Variants in FEM1C observed in about 807,000 individuals in gnomAD.
FEM1C encodes fem-1 homolog C.
A neutral mutation model predicts 37.6 loss-of-function variants in FEM1C; 15 were observed. The observed-to-expected ratio is 0.40, with a 90% CI of 0.27 to 0.61. The LOEUF (loss-of-function observed/expected upper bound fraction) is 0.61, where lower values mean the gene tolerates loss of function less well. Among genes scored for constraint, FEM1C ranks in the 20% least tolerant of loss-of-function variants. The probability of loss-of-function intolerance (pLI) is 0.42; values close to 1 mark genes in which losing one functional copy is unlikely to be tolerated. For missense variants in FEM1C, 532 were observed against 749.7 expected (o/e 0.71, Z 3.39); for synonymous variants, 287 against 272.8 (o/e 1.05, Z -0.51).
chr5:115,528,758 G>A (rs1211022154), intron 2 of FEM1C, among the ~76,000 whole-genome samples: 1 of 152,082 alleles, frequency 6.6e-6, no homozygotes, highest in Non-Finnish European at 1.5e-5. Flanking sequence ...GAAATAAAGA[G>A]CTGACAGAAA....
chr5:115,533,925 T>C (rs1008877588), intron 2 of FEM1C, among the ~76,000 whole-genome samples: 23 of 151,994 alleles, frequency 1.5e-4, no homozygotes, highest in African/African-American at 4.1e-4. Context: ...AAAAAAAATA[T>C]TCTGGCACTG....
Position 115,523,363 on chromosome 5 carries a change from C to T in FEM1C, c.*945G>A, listed in dbSNP as rs563571405. ...GATGAACTTTGAAGTTAAATTTAAGCAAATTCTCTACACCTAATCACACCA... is the reference window on the plus strand; with the variant it reads ...GATGAACTTTGAAGTTAAATTTAAGTAAATTCTCTACACCTAATCACACCA... On this transcript the variant is annotated 3_prime_UTR_variant, in exon 3 of 3. Coordinates refer to ENST00000274457, the MANE Select transcript of FEM1C (RefSeq NM_020177.3). 1 of 152,526 alleles carries T rather than the reference C, an allele frequency of 6.6e-6. No homozygotes were observed. The highest frequency in any genetic ancestry group is 1.9e-4 in the East Asian group (1 of 5,170). 9.4% of individuals were successfully genotyped at this position (152,526 alleles called of 1,614,324 possible).
intron 2 of FEM1C, among the ~76,000 whole-genome samples, chr5:115,539,907 C>T (rs1223536006): frequency 6.6e-6 from 1 of 152,034 alleles, no homozygotes; most frequent in Admixed American, 6.5e-5. Context: ...GGTTAAATAA[C>T]ATGTTCAAAT....
chr5:115,525,936 C>T (rs1332021772), intron 2 of FEM1C, among the ~76,000 whole-genome samples: 2 of 152,008 alleles, frequency 1.3e-5, no homozygotes, highest in South Asian at 2.1e-4. Flanking sequence ...ATCTAAAAAT[C>T]GGTAGAATAC....
At chr5:115,535,022 TA>T (rs1754095141) in intron 2 of FEM1C, among the ~76,000 whole-genome samples, 4 of 151,870 alleles carry the variant, frequency 2.6e-5, no homozygotes, top group African/African-American at 9.7e-5. Context: ...CATATAGAAA[TA>T]AAATTGTATC....
At position 115,520,962 on chromosome 5, in the gene FEM1C, T is replaced by A. The variant is rs911831498; in HGVS notation, c.*3346A>T. The A allele has an allele frequency of 6.6e-6, 1 of 152,004 alleles. No homozygotes were observed. Among genetic ancestry groups the A allele is most frequent in the Admixed American group, 6.6e-5 (1 of 15,188 alleles). 9.4% of individuals were successfully genotyped at this position (152,004 alleles called of 1,614,324 possible). A position where few individuals can be genotyped will look rare whatever the true frequency, so the allele number is the denominator to read the frequency against. Reference sequence around the variant, plus strand: ...TACAATGAATGTTGTGGCATATGATTTTCCATTGTGTGACAATTTATTAGC... The same window carrying A: ...TACAATGAATGTTGTGGCATATGATATTCCATTGTGTGACAATTTATTAGC... On this transcript the variant is annotated 3_prime_UTR_variant, in exon 3 of 3. Transcript: ENST00000274457.
At chr5:115,542,804 C>T in intron 2 of FEM1C, 146 bp downstream of exon 2, 2 of 879,216 alleles carry the variant, frequency 2.3e-6, no homozygotes, top group Non-Finnish European at 3.5e-6. Context: ...ATCATAGAAA[C>T]ACTCAACAAA....
intron 2 of FEM1C, among the ~76,000 whole-genome samples, chr5:115,534,885 G>A (rs931597917): frequency 1.3e-5 from 2 of 151,884 alleles, no homozygotes; most frequent in African/African-American, 2.4e-5. Context: ...CAAGAAAATA[G>A]AGAAGGATTC....
chr5:115,536,748 C>T (rs1754137151), intron 2 of FEM1C, among the ~76,000 whole-genome samples: 1 of 151,900 alleles, frequency 6.6e-6, no homozygotes, highest in Admixed American at 6.6e-5. Context: ...ATGTGCCCTC[C>T]CTTCATTAAT....
intron 2 of FEM1C, among the ~76,000 whole-genome samples, chr5:115,528,861 A>C (rs373605080): frequency 3.9e-5 from 6 of 152,250 alleles, no homozygotes; most frequent in African/African-American, 1.4e-4. Context: ...TTTAAAATTG[A>C]GAATTCAACA....
chr5:115,524,832 T>C lies in FEM1C; in HGVS notation c.1330A>G (p.Ile444Val). ...DPLQLNKALS[I>V]ILHLICLLEK... The stretch of plus-strand genomic sequence containing the variant: ...AACAAGCAAATTAAGTGCAAAATAA[T>C]AGAAAGGGCCTTATTTAACTGTAAT... The change falls in exon 3 of 3, where the codon ATT (isoleucine) becomes GTT (valine). Residue 444 changes from isoleucine (I) to valine (V), a missense_variant. By Grantham distance (29) the Ile-to-Val change is conservative. Coordinates refer to ENST00000274457, the MANE Select transcript of FEM1C (RefSeq NM_020177.3). The C allele has an allele frequency of 6.2e-7, 1 of 1,608,998 alleles. No homozygotes were observed. The highest frequency in any genetic ancestry group is 8.5e-7 in the Non-Finnish European group (1 of 1,178,120).
chr5:115,536,610 A>G (rs557830520), intron 2 of FEM1C, among the ~76,000 whole-genome samples: 1 of 152,080 alleles, frequency 6.6e-6, no homozygotes, highest in East Asian at 1.9e-4. Flanking sequence ...GAGCACTAGA[A>G]GAAGGATTCT....
rs1390763936 is a variant in FEM1C at position 115,543,375 on chromosome 5, T to C, written c.119A>G (p.Asn40Ser). The part of the protein sequence containing the change: ...EVSSLISEKT[N>S]GATPLLMAAR... ...GGCCATCAAGAGTGGCGTGGCCCCATTTGTTTTTTCAGAGATCAAGGAGGA... is the reference window on the plus strand; with the variant it reads ...GGCCATCAAGAGTGGCGTGGCCCCACTTGTTTTTTCAGAGATCAAGGAGGA... The change falls in exon 2 of 3, where the codon AAT (asparagine) becomes AGT (serine). Residue 40 changes from asparagine to serine, a missense_variant. Physicochemically the swap from Asn to Ser is conservative, Grantham distance 46. Transcript: ENST00000274457. 1 of 1,614,182 alleles carries C rather than the reference T, an allele frequency of 6.2e-7. No homozygotes were observed. The highest frequency in any genetic ancestry group is 1.7e-5 in the Admixed American group (1 of 60,018).
chr5:115,541,633 C>T (rs1754243310), intron 2 of FEM1C, among the ~76,000 whole-genome samples: 1 of 152,056 alleles, frequency 6.6e-6, no homozygotes, highest in Non-Finnish European at 1.5e-5. Context: ...TTTATATTAG[C>T]AAAGTACTGG....
Position 115,521,078 on chromosome 5 carries a change from C to T in FEM1C, c.*3230G>A, listed in dbSNP as rs1386415747. ...CTAGTTGTTTAGTGACACATAAGGG[C>T]AAAAAAAAAAAAAAGAAAAAGAAAA... On this transcript the variant is annotated 3_prime_UTR_variant, in exon 3 of 3. Transcript: ENST00000274457. The T allele has an allele frequency of 1.2e-5, 1 of 80,954 alleles. No homozygotes were observed. The highest frequency in any genetic ancestry group is 2.8e-5 in the Non-Finnish European group (1 of 35,918). The allele number at this position is 80,954 out of a possible 1,614,324, so 5.0% of individuals were successfully genotyped here.
chr5:115,537,548 A>T (rs1435470375), intron 2 of FEM1C, among the ~76,000 whole-genome samples: 1 of 152,038 alleles, frequency 6.6e-6, no homozygotes, highest in African/African-American at 2.4e-5. Flanking sequence ...TCCAACTAAG[A>T]TACTAATTCT....
intron 1 of FEM1C, chr5:115,543,985 G>A (rs1436381921): frequency 1.0e-6 from 1 of 985,384 alleles, no homozygotes; most frequent in African/African-American, 1.7e-5. Context: ...GTTTTGCTTT[G>A]CACACGCCCA....
intron 2 of FEM1C, among the ~76,000 whole-genome samples, chr5:115,532,845 T>C (rs1754044965): frequency 6.6e-6 from 1 of 152,026 alleles, no homozygotes; most frequent in Non-Finnish European, 1.5e-5. Context: ...ATTTTTACTA[T>C]TAAAATTAAT....
At chr5:115,536,653 T>C (rs1327719501) in intron 2 of FEM1C, among the ~76,000 whole-genome samples, 2 of 151,690 alleles carry the variant, frequency 1.3e-5, no homozygotes, top group African/African-American at 4.8e-5. Context: ...CCATGTGTAG[T>C]CTATCATGAG....
Sources: gnomAD v4.1 joint callset for allele counts (sites outside exome capture counted in the v4.1 genomes callset) on GRCh38, gnomAD v4.1.1 for gene constraint, MANE v1.5 for transcripts, NCBI Gene and HGNC (gene_info 2026-07-23, HGNC 2026-07-21) for gene names.